TOM1L2: variants seen among roughly 807,000 people sequenced by gnomAD.
TOM1L2 encodes TOM1-like protein 2.
In TOM1L2, 31 loss-of-function variants were observed where a neutral mutation model predicts 67.9. The observed-to-expected ratio is 0.46, with a 90% confidence interval of 0.34 to 0.62. The LOEUF (loss-of-function observed/expected upper bound fraction) is 0.62, where lower values mean the gene tolerates loss of function less well. Among genes scored for constraint, TOM1L2 ranks in the 20% least tolerant of loss-of-function variants. The pLI is 0.01. For missense variants in TOM1L2, 606 were observed against 663.5 expected, an observed-to-expected ratio of 0.91 and a Z score of 0.95; for synonymous variants, 256 against 254.0, an observed-to-expected ratio of 1.01 and a Z score of -0.07.
chr17:17,866,008 C>T (rs995801885), intron 10 of TOM1L2, among the ~76,000 whole-genome samples: 3 of 152,114 alleles, frequency 2.0e-5, no homozygotes, highest in Non-Finnish European at 2.9e-5. Context: ...TCCCATAGTG[C>T]TGGGATTACG....
intron 3 of TOM1L2, among the ~76,000 whole-genome samples, chr17:17,894,866 G>A (rs1186194877): frequency 1.3e-5 from 2 of 152,172 alleles, no homozygotes; most frequent in African/African-American, 4.8e-5. Context: ...GGGAGGTGGA[G>A]GTTGCAATGA....
At chr17:17,919,263 T>A (rs1217182809) in intron 1 of TOM1L2, among the ~76,000 whole-genome samples, 1 of 152,212 alleles carries the variant, frequency 6.6e-6, no homozygotes, top group Non-Finnish European at 1.5e-5. Context: ...ACAGAGGACC[T>A]TTCCTTGCTG....
At chr17:17,952,107 T>C (rs1568366857) in intron 1 of TOM1L2, among the ~76,000 whole-genome samples, 1 of 152,218 alleles carries the variant, frequency 6.6e-6, no homozygotes, top group Non-Finnish European at 1.5e-5. Flanking sequence ...AGGAGGAGGA[T>C]GGCTATATAA....
At chr17:17,926,220 A>T (rs1050894902) in intron 1 of TOM1L2, among the ~76,000 whole-genome samples, 3 of 151,322 alleles carry the variant, frequency 2.0e-5, no homozygotes, top group Non-Finnish European at 4.4e-5. Flanking sequence ...AAGCTGGCCT[A>T]AACATAAGTA....
chr17:17,917,222 C>T (rs975615123), intron 1 of TOM1L2, among the ~76,000 whole-genome samples: 1 of 151,762 alleles, frequency 6.6e-6, no homozygotes, highest in South Asian at 2.1e-4. Context: ...GTCCCAGGTG[C>T]TTGGGAGGCT....
intron 1 of TOM1L2, among the ~76,000 whole-genome samples, chr17:17,923,414 C>G (rs577567145): frequency 3.9e-5 from 6 of 151,946 alleles, no homozygotes; most frequent in African/African-American, 1.4e-4. Context: ...ACAACAACAA[C>G]AAAACAACAA....
chr17:17,938,652 C>T (rs2040602098), intron 1 of TOM1L2, among the ~76,000 whole-genome samples: 1 of 152,156 alleles, frequency 6.6e-6, no homozygotes. Context: ...GGACGCAACC[C>T]AGCAGGCAGA....
intron 1 of TOM1L2, among the ~76,000 whole-genome samples, chr17:17,928,733 T>C (rs2040200574): frequency 6.6e-6 from 1 of 152,152 alleles, no homozygotes; most frequent in Non-Finnish European, 1.5e-5. Context: ...CAGCACACAG[T>C]AGGTATTCAA....
Position 17,893,766 on chromosome 17 carries a change from G to C in TOM1L2, c.261C>G (p.Ile87Met). The change falls in exon 4 of 15, where the codon ATC (isoleucine) becomes ATG (methionine). Residue 87 changes from isoleucine (I) to methionine (M), a missense_variant. Ile to Met is a conservative substitution (Grantham distance 10, BLOSUM62 1). Around this residue, in one of 2 missense-constraint regions of TOM1L2, gnomAD observed 543 missense variants for 554.0 expected, o/e 0.98. Coordinates refer to ENST00000379504, the MANE Select transcript of TOM1L2 (RefSeq NM_001082968.2). ...CVKNCGHRFH[I>M]LVANRDFIDS... ...CGATGAAATCTCGGTTGGCCACAAG[G>C]ATGTGGAAGCGGTGGCCACAGTTCT... 2 of 1,614,184 alleles carry C rather than the reference G, an allele frequency of 1.2e-6. No homozygotes were observed. The highest frequency in any genetic ancestry group is 1.1e-5 in the South Asian group (1 of 91,078).
chr17:17,917,272 C>A (rs2039665236), intron 1 of TOM1L2, among the ~76,000 whole-genome samples: 1 of 151,622 alleles, frequency 6.6e-6, no homozygotes, highest in South Asian at 2.1e-4. Context: ...GCAGAGGTTG[C>A]AAAATGAGCC....
Position 17,861,524 on chromosome 17 carries a change from G to C in TOM1L2, c.1230C>G (p.Val410=), listed in dbSNP as rs117929409. ...TGTCTAGTGCAGAAGCAAGTCCTCCGACAGCCTGAGGATCCTCATAGGTTA... is the reference window on the plus strand; with the variant it reads ...TGTCTAGTGCAGAAGCAAGTCCTCCCACAGCCTGAGGATCCTCATAGGTTA... ...KTVTYEDPQA[V]GGLASALDNR... Residue 410 remains valine, a synonymous_variant, in exon 12 of 15, where the codon GTC becomes GTG. Coordinates refer to ENST00000379504, the MANE Select transcript of TOM1L2 (RefSeq NM_001082968.2). The C allele has an allele frequency of 2.5e-6, 4 of 1,614,052 alleles. No homozygotes were observed. In the East Asian group the frequency reaches 6.7e-5, roughly 27 times the overall value.
chr17:17,877,939 G>C (rs2037505835), intron 7 of TOM1L2, among the ~76,000 whole-genome samples: 3 of 151,630 alleles, frequency 2.0e-5, no homozygotes, highest in African/African-American at 7.3e-5. Flanking sequence ...CCTGCTGTCT[G>C]GGTCTGCTCT....
chr17:17,921,664 GTGGCT>G (rs2039875136), intron 1 of TOM1L2, among the ~76,000 whole-genome samples: 2 of 150,716 alleles, frequency 1.3e-5, no homozygotes, highest in Non-Finnish European at 1.5e-5. Flanking sequence ...ACAGGTGGGG[GTGGCT>G]GGGAGGATCA....
intron 13 of TOM1L2, among the ~76,000 whole-genome samples, chr17:17,850,090 C>G (rs954265156): frequency 1.3e-5 from 2 of 152,152 alleles, no homozygotes; most frequent in Admixed American, 1.3e-4. Flanking sequence ...GGGGACAAGG[C>G]CCCCTACAGA....
At chr17:17,903,160 TTCTC>T (rs766851403) in intron 2 of TOM1L2, among the ~76,000 whole-genome samples, 3 of 152,104 alleles carry the variant, frequency 2.0e-5, no homozygotes, top group Non-Finnish European at 2.9e-5. Context: ...TATATATAGC[TTCTC>T]TCTCTCTCCC....
intron 13 of TOM1L2, among the ~76,000 whole-genome samples, chr17:17,850,404 C>A (rs957468288): frequency 6.6e-6 from 1 of 151,274 alleles, no homozygotes; most frequent in South Asian, 2.1e-4. Context: ...GGTTCTTTTA[C>A]ATCAAAAATC....
At chr17:17,849,341 G>GCT (rs1311412999) in intron 13 of TOM1L2, among the ~76,000 whole-genome samples, 5 of 152,198 alleles carry the variant, frequency 3.3e-5, no homozygotes, top group Non-Finnish European at 7.3e-5. Context: ...GCTGGAAACC[G>GCT]CATGAGGCCT....
chr17:17,943,478 G>A (rs562496351), intron 1 of TOM1L2, among the ~76,000 whole-genome samples: 2 of 152,306 alleles, frequency 1.3e-5, no homozygotes, highest in Admixed American at 6.5e-5. Flanking sequence ...TGGGTATGGA[G>A]AGAATGTGGA....
At position 17,851,470 on chromosome 17, in the gene TOM1L2, C is replaced by T. The variant is rs186250583; in HGVS notation, c.1279-518G>A. Among the ~76,000 whole-genome samples, 15 of 152,288 alleles carry T rather than the reference C, an allele frequency of 9.8e-5. 1 individual carries two copies. Among genetic ancestry groups the T allele is most frequent in the Admixed American group, 7.8e-4 (12 of 15,296 alleles). ...GGGGATGCAGGGGGTCTGTTTGCTC[C>T]GCTGAAGAGATTTTGAAATGCGTCC... is the stretch of plus-strand genomic sequence containing the variant. On this transcript the variant is annotated intron_variant, in intron 12 of 14. Coordinates refer to ENST00000379504, the MANE Select transcript of TOM1L2 (RefSeq NM_001082968.2).
Sources: gnomAD v4.1 joint callset for allele counts (sites outside exome capture counted in the v4.1 genomes callset) on GRCh38, gnomAD v4.1.1 for gene constraint, gnomAD v4.1.1 regional missense constraint, MANE v1.5 for transcripts, NCBI Gene and HGNC (gene_info 2026-07-23, HGNC 2026-07-21) for gene names.